Variants in MCL1 observed in about 807,000 individuals in gnomAD.
MCL1 encodes the protein MCL1 apoptosis regulator, BCL2 family member.
In MCL1, 4 loss-of-function variants were observed where a neutral mutation model predicts 24.2. The ratio of observed to expected loss-of-function variants is 0.17; its 90% CI spans 0.08 to 0.38. The LOEUF (loss-of-function observed/expected upper bound fraction) is 0.38. Among genes scored for constraint, MCL1 ranks in the 10% least tolerant of loss-of-function variants. The probability of loss-of-function intolerance (pLI) is 1.00; values close to 1 mark genes in which losing one functional copy is unlikely to be tolerated. For missense variants in MCL1, 529 were observed against 480.3 expected, an observed-to-expected ratio of 1.10 and a Z score of -0.95; for synonymous variants, 248 against 214.0, an observed-to-expected ratio of 1.16 and a Z score of -1.39.
chr1:150,576,658 T>TA lies in MCL1; in HGVS notation c.*716dup, dbSNP rs1235632400. On this transcript the variant is annotated 3_prime_UTR_variant, in exon 3 of 3. Coordinates refer to ENST00000369026, the MANE Select transcript of MCL1 (RefSeq NM_021960.5). The stretch of plus-strand genomic sequence containing the variant: ...CGATACTTCCTTCGTTTCAAAGAAA[T>TA]AGACTTTCTGTAAAAATATATACAA... 8.6e-6 allele frequency: 2 copies of TA among 232,256 alleles called. No individual in the cohort carries two copies. Among genetic ancestry groups the TA allele is most frequent in the African/African-American group, 4.4e-5 (2 of 45,288 alleles). 14.4% of individuals were successfully genotyped at this position (232,256 alleles called of 1,614,324 possible).
chr1:150,578,796 G>A (rs761903946), intron 1 of MCL1, 47 bp downstream of exon 1: 3 of 1,567,260 alleles, frequency 1.9e-6, no homozygotes, highest in African/African-American at 1.4e-5. Context: ...TCCGGGGAGA[G>A]ATGGAAAAAA....
At position 150,579,165 on chromosome 1, in the gene MCL1, G is replaced by A. The variant is rs145728752; in HGVS notation, c.366C>T (p.Pro122=). The part of the protein sequence containing the change: ...EAPAADAIMS[P]EEELDGYEPE... ...GCTCGTACCCGTCCAGCTCCTCTTC[G>A]GGCGACATGATGGCGTCAGCGGCCG... The change falls in exon 1 of 3, where the codon CCC becomes CCT. Residue 122 remains proline (P), a synonymous_variant. Transcript: ENST00000369026. 102 of 1,609,698 alleles carry A rather than the reference G, an allele frequency of 6.3e-5. 1 individual carries two copies. The African/African-American group carries it at 1.2e-3, about 19-fold the overall frequency.
rs773719224 is a variant in MCL1 at position 150,579,275 on chromosome 1, C to T, written c.256G>A (p.Val86Ile). ...GCGGGGGTCGCGGTGACGTCGGGGA[C>T]CTCGGCGCCAATGGGCGGCGGCCGC... ...VARPPPIGAE[V>I]PDVTATPARL... Residue 86 changes from valine (V) to isoleucine (I), a missense_variant, in exon 1 of 3, where the codon GTC becomes ATC. Val to Ile is a conservative substitution (Grantham distance 29). Coordinates refer to ENST00000369026, the MANE Select transcript of MCL1 (RefSeq NM_021960.5). The T allele has an allele frequency of 1.3e-6, 2 of 1,486,494 alleles. No individual in the cohort carries two copies. Among genetic ancestry groups the T allele is most frequent in the South Asian group, 2.7e-5 (2 of 72,924 alleles). 92.1% of individuals were successfully genotyped at this position (1,486,494 alleles called of 1,614,324 possible).
chr1:150,577,162 CTT>C lies in MCL1; in HGVS notation c.*211_*212del, dbSNP rs1323721112. On this transcript the variant is annotated 3_prime_UTR_variant, in exon 3 of 3. Coordinates refer to ENST00000369026, the MANE Select transcript of MCL1 (RefSeq NM_021960.5). ...AAGTTTGTTTGTTGCTGAAACTGAACTTTGCTTCTTTCAGACAGTGACTCTTC... is the reference window on the plus strand; with the variant it reads ...AAGTTTGTTTGTTGCTGAAACTGAACTGCTTCTTTCAGACAGTGACTCTTC... 6 of 528,688 alleles carry C rather than the reference CTT, an allele frequency of 1.1e-5. No homozygotes were observed. The highest frequency in any genetic ancestry group is 1.9e-5 in the Non-Finnish European group (6 of 308,166). 32.7% of individuals were successfully genotyped at this position (528,688 alleles called of 1,614,324 possible). A position where few individuals can be genotyped will look rare whatever the true frequency, so the allele number is the denominator to read the frequency against.
rs752831607 is a variant in MCL1 at position 150,577,344 on chromosome 1, TTAAAAGTCAACTATTGCACTTACAG to T, written c.*6_*30del. Reference sequence around the variant, plus strand: ...TGGTTTTGGTGGTGGTGGTGGTTGGTTAAAAGTCAACTATTGCACTTACAGTAAGGCTATCTTATTAGATATGCCA... The same window carrying T: ...TGGTTTTGGTGGTGGTGGTGGTTGGTTAAGGCTATCTTATTAGATATGCCA... On this transcript the variant is annotated 3_prime_UTR_variant, in exon 3 of 3. Coordinates refer to ENST00000369026, the MANE Select transcript of MCL1 (RefSeq NM_021960.5). 6.8e-6 allele frequency: 11 copies of T among 1,606,650 alleles called. No individual in the cohort carries two copies. The highest frequency in any genetic ancestry group is 1.4e-5 in the African/African-American group (1 of 73,670).
In MCL1 at chr1:150,575,961, A is replaced by G. The variant is rs887450820; in HGVS notation, c.*1414T>C. The G allele has an allele frequency of 2.6e-5, 6 of 233,618 alleles. No homozygotes were observed. Among genetic ancestry groups the G allele is most frequent in the Non-Finnish European group, 5.1e-5 (6 of 118,072 alleles). 14.5% of individuals were successfully genotyped at this position (233,618 alleles called of 1,614,324 possible). ...TTGCAACAAGGTTTGGGAATCATTAATAGAAACAAAACAGTAAGTATTTGC... is the reference window on the plus strand; with the variant it reads ...TTGCAACAAGGTTTGGGAATCATTAGTAGAAACAAAACAGTAAGTATTTGC... On this transcript the variant is annotated 3_prime_UTR_variant, in exon 3 of 3. Coordinates refer to ENST00000369026, the MANE Select transcript of MCL1 (RefSeq NM_021960.5).
chr1:150,578,871 C>T lies in MCL1; in HGVS notation c.660G>A (p.Val220=), dbSNP rs1021033149. The T allele has an allele frequency of 1.9e-6, 3 of 1,613,142 alleles. No homozygotes were observed. Among genetic ancestry groups the T allele is most frequent in the South Asian group, 2.2e-5 (2 of 91,070 alleles). The stretch of plus-strand genomic sequence containing the variant: ...GGAAGGCCGTCTCGTGGTTGCGCTG[C>T]ACGCCATCCCCAACCCGTCGTAAGG... ...LETLRRVGDG[V]QRNHETAFQG... is the part of the protein sequence containing the mutation. Residue 220 remains valine (V), a synonymous_variant, in exon 1 of 3, where the codon GTG becomes GTA. Coordinates refer to ENST00000369026, the MANE Select transcript of MCL1 (RefSeq NM_021960.5).
In MCL1 at chr1:150,576,622, TA is replaced by T. The variant is rs1444151608; in HGVS notation, c.*752del. ...AAGTTCAAAAGGGTATGAAAAAAAC[TA>T]ATGTAAATTCGATACTTCCTTCGTT... On this transcript the variant is annotated 3_prime_UTR_variant, in exon 3 of 3. Coordinates refer to ENST00000369026, the MANE Select transcript of MCL1 (RefSeq NM_021960.5). 4.3e-6 allele frequency: 1 copy of T among 232,228 alleles called. No individual in the cohort carries two copies. The highest frequency in any genetic ancestry group is 8.5e-6 in the Non-Finnish European group (1 of 117,282). The allele number at this position is 232,228 out of a possible 1,614,324, so 14.4% of individuals were successfully genotyped here.
In MCL1 at chr1:150,578,109, T is replaced by C. The variant is rs1040056323; in HGVS notation, c.936+135A>G. Reference sequence around the variant, plus strand: ...ATCCACTACTTAAATCAACATCAAATAAACAATGGTCCTTTAGTTAGAGCC... The same window carrying C: ...ATCCACTACTTAAATCAACATCAAACAAACAATGGTCCTTTAGTTAGAGCC... On this transcript the variant is annotated intron_variant, in intron 2 of 2. Coordinates refer to ENST00000369026, the MANE Select transcript of MCL1 (RefSeq NM_021960.5). 3.7e-5 allele frequency: 36 copies of C among 964,420 alleles called. No individual in the cohort carries two copies. In the East Asian group the frequency reaches 8.4e-4, roughly 23 times the overall value. 59.7% of individuals were successfully genotyped at this position (964,420 alleles called of 1,614,324 possible).
At position 150,578,415 on chromosome 1, in the gene MCL1, G is replaced by A. The variant is rs2101696113; in HGVS notation, c.765C>T (p.Ser255=). The A allele has an allele frequency of 6.2e-7, 1 of 1,614,190 alleles. No homozygotes were observed. The highest frequency in any genetic ancestry group is 8.5e-7 in the Non-Finnish European group (1 of 1,180,026). ...SLSRVMIHVF[S]DGVTNWGRIV... The stretch of plus-strand genomic sequence containing the variant: ...TCCTGCCCCAGTTTGTTACGCCGTC[G>A]CTGAAAACATGGATCATCACTCGAG... The change falls in exon 2 of 3, where the codon AGC becomes AGT. Residue 255 remains serine, a synonymous_variant. Transcript: ENST00000369026.
At position 150,578,437 on chromosome 1, in the gene MCL1, C is replaced by G; in HGVS notation, c.743G>C (p.Arg248Pro). 6.2e-7 allele frequency: 1 copy of G among 1,614,188 alleles called. No homozygotes were observed. The highest frequency in any genetic ancestry group is 8.5e-7 in the Non-Finnish European group (1 of 1,180,018). ...GTCGCTGAAAACATGGATCATCACT[C>G]GAGACAACGATTTCACATCGTCTTC... is the stretch of plus-strand genomic sequence containing the variant. ...KNEDDVKSLS[R>P]VMIHVFSDGV... is the part of the protein sequence containing the mutation. The change falls in exon 2 of 3, where the codon CGA becomes CCA. Residue 248 changes from arginine to proline, a missense_variant. Transcript: ENST00000369026.
At position 150,579,459 on chromosome 1, in the gene MCL1, G is replaced by C; in HGVS notation, c.72C>G (p.Gly24=). The C allele has an allele frequency of 6.3e-7, 1 of 1,591,926 alleles. No homozygotes were observed. The highest frequency in any genetic ancestry group is 8.5e-7 in the Non-Finnish European group (1 of 1,171,098). The change falls in exon 1 of 3, where the codon GGC becomes GGG. Residue 24 remains glycine (G), a synonymous_variant. Transcript: ENST00000369026. The part of the protein sequence containing the change: ...LYCGGAGLGA[G]SGGATRPGGR... Reference sequence around the variant, plus strand: ...CTCCCGGGCGGGTGGCGCCGCCGCTGCCGGCCCCCAAGCCGGCCCCCCCAC... The same window carrying C: ...CTCCCGGGCGGGTGGCGCCGCCGCTCCCGGCCCCCAAGCCGGCCCCCCCAC...
Position 150,575,359 on chromosome 1 carries a change from C to T in MCL1, c.*2016G>A. The T allele has an allele frequency of 4.3e-6, 1 of 233,272 alleles. No homozygotes were observed. Among genetic ancestry groups the T allele is most frequent in the Non-Finnish European group, 8.5e-6 (1 of 117,838 alleles). 14.5% of individuals were successfully genotyped at this position (233,272 alleles called of 1,614,324 possible). A position where few individuals can be genotyped will look rare whatever the true frequency, so the allele number is the denominator to read the frequency against. ...TAAAGGTCATGTTCCGAGACTGAAGCTTTCAAATGACCCTAGTTCCAATAT... is the reference window on the plus strand; with the variant it reads ...TAAAGGTCATGTTCCGAGACTGAAGTTTTCAAATGACCCTAGTTCCAATAT... On this transcript the variant is annotated 3_prime_UTR_variant, in exon 3 of 3. Transcript: ENST00000369026.
At chr1:150,578,188 A>G (rs1647895881) in intron 2 of MCL1, 56 bp downstream of exon 2, 78 of 1,570,396 alleles carry the variant, frequency 5.0e-5, no homozygotes, top group Non-Finnish European at 6.7e-5. Context: ...TCTCTAAAAA[A>G]AATCCTTCAT....
At position 150,574,988 on chromosome 1, in the gene MCL1, A is replaced by C; in HGVS notation, c.*2387T>G. 1 of 233,272 alleles carries C rather than the reference A, an allele frequency of 4.3e-6. No homozygotes were observed. The highest frequency in any genetic ancestry group is 8.5e-6 in the Non-Finnish European group (1 of 118,024). The allele number at this position is 233,272 out of a possible 1,614,324, so 14.5% of individuals were successfully genotyped here. A position where few individuals can be genotyped will look rare whatever the true frequency, so the allele number is the denominator to read the frequency against. ...TGCCCCAAGCCCAAAATATCAACTA[A>C]GATCCTTGTCTGTATTTCCACAGTC... On this transcript the variant is annotated 3_prime_UTR_variant, in exon 3 of 3. Transcript: ENST00000369026.
Position 150,579,552 on chromosome 1 carries a change from G to T in MCL1, c.-22C>A. ...ACATTGCCAGTCGCCGCCGCCGCCT[G>T]GCTGAGAAAACTGGGGAAGACCCCG... is the stretch of plus-strand genomic sequence containing the variant. On this transcript the variant is annotated 5_prime_UTR_variant, in exon 1 of 3. Coordinates refer to ENST00000369026, the MANE Select transcript of MCL1 (RefSeq NM_021960.5). The T allele has an allele frequency of 6.3e-7, 1 of 1,586,798 alleles. No homozygotes were observed. Among genetic ancestry groups the T allele is most frequent in the South Asian group, 1.1e-5 (1 of 88,904 alleles).
At chr1:150,578,653 G>T (rs1570982387) in intron 1 of MCL1, 162 bp from the exon 2 acceptor site, 1 of 1,040,482 alleles carries the variant, frequency 9.6e-7, no homozygotes, top group Non-Finnish European at 1.4e-6. Context: ...TTGAACAAGA[G>T]CTGCCATTTC....
At chr1:150,578,788 C>T (rs1375975501) in intron 1 of MCL1, 55 bp downstream of exon 1, 17 of 1,557,474 alleles carry the variant, frequency 1.1e-5, no homozygotes, top group Non-Finnish European at 8.7e-7. Context: ...CGGGTGAGTC[C>T]GGGGAGAGAT....
intron 1 of MCL1, 57 bp downstream of exon 1, chr1:150,578,786 T>A: frequency 6.4e-7 from 1 of 1,554,080 alleles, no homozygotes; most frequent in Non-Finnish European, 8.7e-7. Context: ...GGCGGGTGAG[T>A]CCGGGGAGAG....
Sources: allele counts gnomAD v4.1 joint callset, GRCh38; gene constraint gnomAD v4.1.1; transcripts MANE v1.5; gene names NCBI Gene and HGNC (gene_info 2026-07-23, HGNC 2026-07-21).